The following CSMD2 variants were observed in gnomAD, a reference collection of about 807,000 sequenced individuals.
The protein encoded by CSMD2 is CUB and sushi domain-containing protein 2.
A neutral mutation model predicts 398.5 loss-of-function variants in CSMD2; 130 were observed. The observed-to-expected ratio is 0.33, with a 90% CI of 0.28 to 0.38. The LOEUF is 0.38. Among genes scored for constraint, CSMD2 ranks in the 10% least tolerant of loss-of-function variants. The pLI is 1.00. For missense variants in CSMD2, 3,829 were observed against 4,764.9 expected (o/e 0.80, Z 5.78); for synonymous variants, 1,828 against 1,908.5 (o/e 0.96, Z 1.10).
At chr1:33,976,582 A>T (rs184579125) in intron 3 of CSMD2, among the ~76,000 whole-genome samples, 2 of 152,272 alleles carry the variant, frequency 1.3e-5, no homozygotes, top group East Asian at 3.9e-4. Context: ...CCAAGGCAGA[A>T]GCAATGGAGG....
chr1:33,907,643 C>T (rs1022091081), intron 5 of CSMD2, among the ~76,000 whole-genome samples: 2 of 152,108 alleles, frequency 1.3e-5, no homozygotes, highest in South Asian at 2.1e-4. Flanking sequence ...CTGCCTTCTC[C>T]CTCCCCAAAT....
chr1:34,026,225 T>C (rs1649626465), intron 3 of CSMD2, among the ~76,000 whole-genome samples: 2 of 152,104 alleles, frequency 1.3e-5, no homozygotes, highest in Non-Finnish European at 2.9e-5. Flanking sequence ...AGCAAGTGAG[T>C]GGCAAGATAG....
chr1:33,881,608 T>C (rs544009669), intron 5 of CSMD2, among the ~76,000 whole-genome samples: 14 of 152,006 alleles, frequency 9.2e-5, no homozygotes, highest in Non-Finnish European at 1.6e-4. Context: ...TGACAGAAAA[T>C]GAAGGAGCTG....
At chr1:33,992,826 G>A (rs1010888895) in intron 3 of CSMD2, among the ~76,000 whole-genome samples, 9 of 149,558 alleles carry the variant, frequency 6.0e-5, no homozygotes, top group South Asian at 2.1e-4. Context: ...GCAGTGAGCC[G>A]TGATCGTGCC....
intron 24 of CSMD2, 99 bp from the exon 25 acceptor site, chr1:33,693,155 C>T (rs773994202): frequency 1.4e-4 from 193 of 1,352,136 alleles, no homozygotes; most frequent in Non-Finnish European, 1.9e-4. Flanking sequence ...AGTCCCTTCC[C>T]TCTCCCATTC....
chr1:33,902,173 A>G lies in CSMD2; in HGVS notation c.920+15921T>C, dbSNP rs915593835. On this transcript the variant is annotated intron_variant, in intron 5 of 70. Transcript: ENST00000373381. The stretch of plus-strand genomic sequence containing the variant: ...TGCAACCCAGTTTGAGAAACACAGG[A>G]TAAGTCCTAGAGGGCATTTTTTAAA... 2.6e-5 allele frequency among the ~76,000 whole-genome samples: 4 copies of G among 152,136 alleles called. No individual in the cohort carries two copies. In the East Asian group the frequency reaches 7.7e-4, roughly 29 times the overall value.
rs2149000851 is a variant in CSMD2 at position 33,662,929 on chromosome 1, A to C, written c.4216T>G (p.Phe1406Val). 6.2e-7 allele frequency: 1 copy of C among 1,614,196 alleles called. No homozygotes were observed. The highest frequency in any genetic ancestry group is 8.5e-7 in the Non-Finnish European group (1 of 1,180,034). ...NSVVLQFSTD[F>V]FTSKQGFAIQ... ...GCAAAGCCCTGCTTGCTGGTGAAGAAGTCAGTGCTGAACTGCAGGACGACC... is the reference window on the plus strand; with the variant it reads ...GCAAAGCCCTGCTTGCTGGTGAAGACGTCAGTGCTGAACTGCAGGACGACC... Residue 1406 changes from phenylalanine (F) to valine (V), a missense_variant, in exon 26 of 71, where the codon TTC becomes GTC. Phe to Val is a conservative substitution (Grantham distance 50, BLOSUM62 -1). Coordinates refer to ENST00000373381, the MANE Select transcript of CSMD2 (RefSeq NM_001281956.2).
At position 34,123,524 on chromosome 1, in the gene CSMD2, G is replaced by C. The variant is rs1211363921; in HGVS notation, c.188-34331C>G. 4.6e-5 allele frequency among the ~76,000 whole-genome samples: 3 copies of C among 64,948 alleles called. No homozygotes were observed. The South Asian group carries it at 1.7e-3, about 37-fold the overall frequency. The allele number at this position is 64,948 out of a possible 152,430, so 42.6% of individuals were successfully genotyped here. A position where few individuals can be genotyped will look rare whatever the true frequency, so the allele number is the denominator to read the frequency against. ...TCCAGCCAATTAATCAAACTTAAAG[G>C]GGGGGGGTTGTGGGAACCCCAACTT... On this transcript the variant is annotated intron_variant, in intron 1 of 70. Transcript: ENST00000373381.
At chr1:33,734,193 A>C (rs1646810033) in intron 15 of CSMD2, among the ~76,000 whole-genome samples, 1 of 152,062 alleles carries the variant, frequency 6.6e-6, no homozygotes, top group Non-Finnish European at 1.5e-5. Context: ...TTTTTTCCTG[A>C]TTTTAAAAGT....
At chr1:34,093,056 G>T (rs1478070833) in intron 1 of CSMD2, among the ~76,000 whole-genome samples, 5 of 152,218 alleles carry the variant, frequency 3.3e-5, no homozygotes, top group African/African-American at 1.2e-4. Context: ...CGCAGCTGGA[G>T]ATCTGAGAAC....
At position 33,515,531 on chromosome 1, in the gene CSMD2, T is replaced by A. The variant is rs1653687355; in HGVS notation, c.*1093A>T. 1 of 152,274 alleles carries A rather than the reference T, an allele frequency of 6.6e-6. No individual in the cohort carries two copies. Among genetic ancestry groups the A allele is most frequent in the African/African-American group, 2.4e-5 (1 of 41,466 alleles). The allele number at this position is 152,274 out of a possible 1,614,324, so 9.4% of individuals were successfully genotyped here. On this transcript the variant is annotated 3_prime_UTR_variant, in exon 71 of 71. Transcript: ENST00000373381. ...GTTTGCATTCTGACTCCACACTTCC[T>A]AACTCTGTCTTTACCTTTGCAGGCT...
intron 12 of CSMD2, among the ~76,000 whole-genome samples, chr1:33,779,220 C>T (rs1652385274): frequency 6.6e-6 from 1 of 150,926 alleles, no homozygotes; most frequent in Admixed American, 6.6e-5. Flanking sequence ...TGCTCTTTGG[C>T]CATCAGCGAC....
chr1:33,824,753 A>G (rs1178678736), intron 7 of CSMD2, among the ~76,000 whole-genome samples: 3 of 152,054 alleles, frequency 2.0e-5, no homozygotes, highest in African/African-American at 7.2e-5. Context: ...CAGAAGGATG[A>G]GAAGAACGAT....
intron 3 of CSMD2, among the ~76,000 whole-genome samples, chr1:33,968,735 G>GT (rs1645649276): frequency 1.3e-5 from 2 of 152,176 alleles, no homozygotes; most frequent in African/African-American, 4.8e-5. Context: ...CCTGCACTGA[G>GT]GACCCACAAG....
At chr1:33,560,714 A>G (rs1658461354) in intron 53 of CSMD2, among the ~76,000 whole-genome samples, 1 of 152,166 alleles carries the variant, frequency 6.6e-6, no homozygotes, top group Non-Finnish European at 1.5e-5. Flanking sequence ...TCAGCAACCA[A>G]CACACCACAG....
At chr1:33,982,974 G>A (rs967445518) in intron 3 of CSMD2, among the ~76,000 whole-genome samples, 2 of 152,178 alleles carry the variant, frequency 1.3e-5, no homozygotes, top group Non-Finnish European at 2.9e-5. Context: ...GGAGTGAGAT[G>A]AGGAGGGCAA....
rs143088559 is a variant in CSMD2, at chr1:33,823,426, T to C, written c.1111+2271A>G. 3.0e-3 allele frequency among the ~76,000 whole-genome samples: 449 copies of C among 151,952 alleles called. 3 individuals are homozygous for C. The highest frequency in any genetic ancestry group is 0.01 in the African/African-American group (418 of 41,422). ...TTTTTTAATTCCAGTCTTCTCTGCC[T>C]ACTCAAAACCAGCTGCTTGTGTTTA... On this transcript the variant is annotated intron_variant, in intron 7 of 70. Coordinates refer to ENST00000373381, the MANE Select transcript of CSMD2 (RefSeq NM_001281956.2).
chr1:33,518,894 T>G lies in CSMD2; in HGVS notation c.*53+571A>C, dbSNP rs1653996276. 6.6e-6 allele frequency among the ~76,000 whole-genome samples: 1 copy of G among 152,202 alleles called. No homozygotes were observed. The highest frequency in any genetic ancestry group is 1.5e-5 in the Non-Finnish European group (1 of 68,044). ...ACGGAGATGCGTATCTATATATAGATGGATAGGTATGGATATATCTTGATA... is the reference window on the plus strand; with the variant it reads ...ACGGAGATGCGTATCTATATATAGAGGGATAGGTATGGATATATCTTGATA... On this transcript the variant is annotated intron_variant, in intron 70 of 70. Coordinates refer to ENST00000373381, the MANE Select transcript of CSMD2 (RefSeq NM_001281956.2). This position sits in a 1 kb window ranked among gnomAD's most constrained non-coding sequence, Gnocchi z 4.3.
chr1:33,858,013 C>A (rs1639223211), intron 5 of CSMD2, among the ~76,000 whole-genome samples: 1 of 152,156 alleles, frequency 6.6e-6, no homozygotes, highest in Non-Finnish European at 1.5e-5. Context: ...GCCAGGCATC[C>A]CCCAACCAGG....
Sources: allele counts gnomAD v4.1 joint callset (sites outside exome capture counted in the v4.1 genomes callset), GRCh38; gene constraint gnomAD v4.1.1; non-coding constraint Gnocchi (gnomAD v3.1); transcripts MANE v1.5; gene names NCBI Gene and HGNC (gene_info 2026-07-23, HGNC 2026-07-21).